CDS2: variants seen among roughly 807,000 people sequenced by gnomAD.
CDS2 encodes the protein CDP-diacylglycerol synthase 2.
CDS2 carries 47 observed loss-of-function variants against 59.0 expected under a neutral mutation model. That is an observed-to-expected ratio of 0.80 (90% CI 0.63 to 1.02). CDS2 has a LOEUF of 1.02. CDS2 is among the 50% of genes least tolerant of loss of function. The pLI is 0.00. For synonymous variants in CDS2, 207 were observed against 206.4 expected, an observed-to-expected ratio of 1.00 and a Z score of -0.02; for missense variants, 356 against 558.9, an observed-to-expected ratio of 0.64 and a Z score of 3.66.
At chr20:5,179,364 C>T (rs745347394) in intron 5 of CDS2, among the ~76,000 whole-genome samples, 21 of 152,170 alleles carry the variant, frequency 1.4e-4, no homozygotes, top group South Asian at 4.1e-4. Flanking sequence ...TTAACTTATC[C>T]GCCTGCCTTG....
chr20:5,154,550 T>A (rs546017744), intron 1 of CDS2, among the ~76,000 whole-genome samples: 23 of 152,322 alleles, frequency 1.5e-4, no homozygotes, highest in African/African-American at 5.3e-4. Context: ...TAAAACTGGT[T>A]TTTCTTAATA....
intron 1 of CDS2, among the ~76,000 whole-genome samples, chr20:5,137,807 T>C (rs13040144): frequency 1.4e-5 from 2 of 145,822 alleles, no homozygotes; most frequent in East Asian, 2.0e-4. Context: ...TTCTTTTTTG[T>C]TTTTTTTTTG....
chr20:5,183,015 T>C (rs2091042423), intron 6 of CDS2, 46 bp from the exon 7 acceptor site: 15 of 1,513,954 alleles, frequency 9.9e-6, no homozygotes, highest in Non-Finnish European at 1.4e-5. Context: ...TGAAGTTACT[T>C]TCAAGGTAAA....
At chr20:5,163,349 C>A (rs557276676) in intron 1 of CDS2, among the ~76,000 whole-genome samples, 1 of 152,310 alleles carries the variant, frequency 6.6e-6, no homozygotes, top group South Asian at 2.1e-4. Context: ...ATAACCTCCA[C>A]CTCCCGGATT....
chr20:5,154,297 C>A (rs1250277949), intron 1 of CDS2, among the ~76,000 whole-genome samples: 1 of 152,180 alleles, frequency 6.6e-6, no homozygotes, highest in Non-Finnish European at 1.5e-5. Context: ...TGTGGTAGTT[C>A]ACAGCCGAGG....
intron 1 of CDS2, among the ~76,000 whole-genome samples, chr20:5,147,893 T>TC (rs999930109): frequency 1.2e-4 from 18 of 152,236 alleles, no homozygotes; most frequent in Admixed American, 5.9e-4. Flanking sequence ...CAGCTCTGTG[T>TC]CCCTCATTGT....
intron 1 of CDS2, among the ~76,000 whole-genome samples, chr20:5,158,876 T>TA (rs1393139894): frequency 3.9e-5 from 6 of 152,306 alleles, no homozygotes; most frequent in African/African-American, 9.6e-5. Flanking sequence ...TCTCTGCTGA[T>TA]ACGTTAGGGG....
At position 5,195,967 on chromosome 20, in the gene CDS2, G is replaced by C. The variant is rs190550970; in HGVS notation, c.*5733G>C. 2 of 152,220 alleles carry C rather than the reference G, an allele frequency of 1.3e-5. No homozygotes were observed. Among genetic ancestry groups the C allele is most frequent in the African/African-American group, 4.8e-5 (2 of 41,500 alleles). The allele number at this position is 152,220 out of a possible 1,614,324, so 9.4% of individuals were successfully genotyped here. ...GAATGGGGGTGGGGAGTTGGGGCAC[G>C]TGTGTGTAAGGGGAGGCTGCCTCAC... On this transcript the variant is annotated 3_prime_UTR_variant, in exon 13 of 13. Coordinates refer to ENST00000460006, the MANE Select transcript of CDS2 (RefSeq NM_003818.4).
chr20:5,127,378 G>T (rs2090562950), intron 1 of CDS2, among the ~76,000 whole-genome samples: 1 of 152,146 alleles, frequency 6.6e-6, no homozygotes, highest in African/African-American at 2.4e-5. Context: ...TGGCTCCCCC[G>T]GGGCGCAGGA....
chr20:5,177,448 C>T (rs542760129), intron 4 of CDS2, among the ~76,000 whole-genome samples: 7 of 152,194 alleles, frequency 4.6e-5, no homozygotes, highest in South Asian at 2.1e-4. Context: ...TGGCTTTCTC[C>T]GTTTCCTGGG....
intron 7 of CDS2, among the ~76,000 whole-genome samples, chr20:5,183,926 G>A (rs1025270818): frequency 1.3e-5 from 2 of 152,202 alleles, no homozygotes; most frequent in African/African-American, 2.4e-5. Context: ...TGGAGGCCAA[G>A]GTAGGCGGAT....
intron 10 of CDS2, 75 bp downstream of exon 10, chr20:5,186,914 C>A: frequency 6.5e-7 from 1 of 1,534,286 alleles, no homozygotes. Context: ...CCATCACCTG[C>A]CCTCTGAAAA....
rs925795973 is a variant in CDS2, at chr20:5,177,590, T to C, written c.389+845T>C. ...GACTTTTGAGCAGAGCACTGCACCA[T>C]GCTGAGAGGACCTGGGGCAAATGTG... On this transcript the variant is annotated intron_variant, in intron 4 of 12. Transcript: ENST00000460006. 6.3e-4 allele frequency among the ~76,000 whole-genome samples: 96 copies of C among 152,346 alleles called. 1 individual carries two copies. Among genetic ancestry groups the C allele is most frequent in the Non-Finnish European group, 1.3e-4 (9 of 68,028 alleles).
At chr20:5,172,161 C>A (rs2090960800) in intron 1 of CDS2, among the ~76,000 whole-genome samples, 1 of 152,104 alleles carries the variant, frequency 6.6e-6, no homozygotes, top group South Asian at 2.1e-4. Flanking sequence ...GTGTGCCGTG[C>A]ATGGGGATAA....
chr20:5,156,632 A>C (rs2090835483), intron 1 of CDS2, among the ~76,000 whole-genome samples: 1 of 152,208 alleles, frequency 6.6e-6, no homozygotes. Context: ...GCAGCCAGTC[A>C]CATTGACTAA....
At chr20:5,136,164 G>T (rs759554889) in intron 1 of CDS2, among the ~76,000 whole-genome samples, 1 of 152,158 alleles carries the variant, frequency 6.6e-6, no homozygotes, top group Non-Finnish European at 1.5e-5. Context: ...TATCTCCACA[G>T]TCCATGCCTG....
intron 1 of CDS2, among the ~76,000 whole-genome samples, chr20:5,135,684 G>C (rs2090644751): frequency 6.6e-6 from 1 of 152,056 alleles, no homozygotes; most frequent in Admixed American, 6.6e-5. Flanking sequence ...ACTGATATTT[G>C]TTCTCATGTT....
intron 5 of CDS2, among the ~76,000 whole-genome samples, chr20:5,182,153 T>C (rs1264628466): frequency 6.6e-6 from 1 of 152,240 alleles, no homozygotes; most frequent in Non-Finnish European, 1.5e-5. Flanking sequence ...GTTCTAAGTT[T>C]AGTGTGGTCT....
rs1311860408 is a variant in CDS2 at position 5,196,071 on chromosome 20, T to C, written c.*5837T>C. The C allele has an allele frequency of 1.3e-5, 2 of 152,200 alleles. No individual in the cohort carries two copies. Among genetic ancestry groups the C allele is most frequent in the African/African-American group, 4.8e-5 (2 of 41,448 alleles). The allele number at this position is 152,200 out of a possible 1,614,324, so 9.4% of individuals were successfully genotyped here. A position where few individuals can be genotyped will look rare whatever the true frequency, so the allele number is the denominator to read the frequency against. On this transcript the variant is annotated 3_prime_UTR_variant, in exon 13 of 13. Coordinates refer to ENST00000460006, the MANE Select transcript of CDS2 (RefSeq NM_003818.4). Reference sequence around the variant, plus strand: ...ATAATAACTGAACTACTGGTTTGACTGTGGATTATTTCCTGGGTATTAGTG... The same window carrying C: ...ATAATAACTGAACTACTGGTTTGACCGTGGATTATTTCCTGGGTATTAGTG...
Sources: allele counts gnomAD v4.1 joint callset (sites outside exome capture counted in the v4.1 genomes callset), GRCh38; gene constraint gnomAD v4.1.1; transcripts MANE v1.5; gene names NCBI Gene and HGNC (gene_info 2026-07-23, HGNC 2026-07-21).